The following PNMA6E variants were observed in gnomAD, a reference collection of about 807,000 sequenced individuals.
PNMA6E encodes the protein paraneoplastic antigen Ma6E.
For missense variants in PNMA6E, 78 were observed against 50.8 expected (o/e 1.53, Z -1.63); for synonymous variants, 43 against 17.1 (o/e 2.52, Z -3.74).
chrX:153,397,174 C>T lies in PNMA6E; in HGVS notation c.1676G>A (p.Gly559Asp). The T allele has an allele frequency of 3.4e-6, 1 of 298,211 alleles. No homozygotes were observed. The highest frequency in any genetic ancestry group is 5.9e-6 in the Non-Finnish European group (1 of 170,462). 24.6% of individuals were successfully genotyped at this position (298,211 alleles called of 1,213,427 possible). A position where few individuals can be genotyped will look rare whatever the true frequency, so the allele number is the denominator to read the frequency against. ...TTCGGGGCCTGCAGGGGCACTTTCA[C>T]CTTCCCCAGCGGCAGGGGCTCCCCT... ...AARGAPAAGEGESAPAGPEGL... is the reference protein window; with the variant it reads ...AARGAPAAGEDESAPAGPEGL... The change falls in exon 2 of 2, where the codon GGT becomes GAT. Residue 559 changes from glycine (G) to aspartate (D), a missense_variant. By Grantham distance (94) the Gly-to-Asp change is moderately conservative (BLOSUM62 -1). Coordinates refer to ENST00000445091, the MANE Select transcript of PNMA6E (RefSeq NM_001367770.1).
intron 1 of PNMA6E, among the ~76,000 whole-genome samples, chrX:153,400,402 C>G (rs186695508): frequency 3.6e-5 from 4 of 112,504 alleles, no homozygotes; most frequent in Non-Finnish European, 5.7e-5. Flanking sequence ...CACCGCACAC[C>G]GGGGACAGTC....
chrX:153,398,472 G>A lies in PNMA6E; in HGVS notation c.378C>T (p.Gly126=), dbSNP rs1055058621. The change falls in exon 2 of 2, where the codon GGC becomes GGT. Residue 126 remains glycine (G), a synonymous_variant. Coordinates refer to ENST00000445091, the MANE Select transcript of PNMA6E (RefSeq NM_001367770.1). ...CACCTACACCTCCTGCCTCACCTGC[G>A]CCTCCTCCCTCACCTGCAGCTTTTG... ...AVAKAAGEGG[G]AGEAGGVGEV... 1.5e-5 allele frequency: 6 copies of A among 405,323 alleles called. No homozygotes were observed. Among genetic ancestry groups the A allele is most frequent in the Admixed American group, 8.6e-5 (2 of 23,326 alleles). 33.4% of individuals were successfully genotyped at this position (405,323 alleles called of 1,213,427 possible).
chrX:153,408,739 C>T, the PNMA6E span, among the ~76,000 whole-genome samples: 1 of 111,862 alleles, frequency 8.9e-6, no homozygotes, highest in African/African-American at 3.3e-5. Flanking sequence ...CCCACAGGAG[C>T]TCACAGTCGC....
chrX:153,409,720 T>C, the PNMA6E span, among the ~76,000 whole-genome samples: 1 of 112,299 alleles, frequency 8.9e-6, no homozygotes, highest in African/African-American at 3.2e-5. Context: ...CGCAGCCCAG[T>C]GCACATGGCC....
chrX:153,396,864 G>A lies in PNMA6E; in HGVS notation c.*42C>T, dbSNP rs149156619. ...CCTGGCCTCTGTCTGCCTCCAAGGC[G>A]CTGCTGCCTGAGAGGAGAGGAGGCC... On this transcript the variant is annotated 3_prime_UTR_variant, in exon 2 of 2. Transcript: ENST00000445091. The A allele has an allele frequency of 2.1e-3, 611 of 296,579 alleles. 5 individuals are homozygous for A. Among genetic ancestry groups the A allele is most frequent in the African/African-American group, 0.011 (395 of 36,757 alleles). 24.4% of individuals were successfully genotyped at this position (296,579 alleles called of 1,213,427 possible).
the PNMA6E span, among the ~76,000 whole-genome samples, chrX:153,407,325 G>A: frequency 9.0e-6 from 1 of 111,638 alleles, no homozygotes; most frequent in African/African-American, 3.3e-5. Flanking sequence ...ACTAGACACT[G>A]CTGGCTGCCC....
At chrX:153,403,315 A>G (rs2088862869), upstream of PNMA6E, among the ~76,000 whole-genome samples, 1 of 111,810 alleles carries the variant, frequency 8.9e-6, no homozygotes, top group Non-Finnish European at 1.9e-5. Context: ...TCCAGTGAAG[A>G]TTTTACTTCC....
At chrX:153,411,423 G>GCCCC in the PNMA6E span, among the ~76,000 whole-genome samples, 2 of 109,889 alleles carry the variant, frequency 1.8e-5, no homozygotes, top group African/African-American at 6.6e-5. Context: ...CATGCTCCAT[G>GCCCC]CCCCCCCCAC....
intron 1 of PNMA6E, among the ~76,000 whole-genome samples, 177 bp downstream of exon 1, chrX:153,401,067 G>A (rs973042562): frequency 4.7e-5 from 5 of 107,508 alleles, no homozygotes; most frequent in African/African-American, 1.0e-4. Flanking sequence ...TGACAGCCAC[G>A]CCGCACCTAA....
the PNMA6E span, among the ~76,000 whole-genome samples, chrX:153,409,365 A>G: frequency 1.9e-3 from 209 of 112,538 alleles, no homozygotes; most frequent in Non-Finnish European, 2.9e-3. Flanking sequence ...AGATGGAGAT[A>G]CCTCTCTCAG....
chrX:153,407,849 A>C, the PNMA6E span, among the ~76,000 whole-genome samples: 3 of 112,389 alleles, frequency 2.7e-5, no homozygotes, highest in Admixed American at 2.8e-4. Context: ...GTCAGACCAA[A>C]GGGAAGTTTT....
chrX:153,404,287 A>G (rs1345379827), upstream of PNMA6E: 4 of 110,895 alleles, frequency 3.6e-5, no homozygotes, highest in Non-Finnish European at 7.6e-5. Flanking sequence ...CCTTAAGAAT[A>G]TATATTTTTT....
In PNMA6E at chrX:153,397,153, G is replaced by A; in HGVS notation, c.1697C>T (p.Pro566Leu). ...GGGCCTTGCCTGACCTAGGCCTTCG[G>A]GGCCTGCAGGGGCACTTTCACCTTC... ...AGEGESAPAG[P>L]EGLGQARPIE... The change falls in exon 2 of 2, where the codon CCC (proline) becomes CTC (leucine). Residue 566 changes from proline (P) to leucine (L), a missense_variant. Physicochemically the swap from Pro to Leu is moderately conservative, Grantham distance 98 (BLOSUM62 -3). Transcript: ENST00000445091. The A allele has an allele frequency of 1.0e-5, 3 of 297,951 alleles. No homozygotes were observed. Among genetic ancestry groups the A allele is most frequent in the Middle Eastern group, 8.8e-4 (1 of 1,134 alleles). 24.6% of individuals were successfully genotyped at this position (297,951 alleles called of 1,213,427 possible).
At chrX:153,407,184 C>T in the PNMA6E span, among the ~76,000 whole-genome samples, 1 of 112,784 alleles carries the variant, frequency 8.9e-6, no homozygotes, top group Non-Finnish European at 1.9e-5. Flanking sequence ...TCCAGCTCAG[C>T]CTCCGGGCCA....
At chrX:153,413,924 A>C in the PNMA6E span, among the ~76,000 whole-genome samples, 1 of 112,218 alleles carries the variant, frequency 8.9e-6, no homozygotes, top group Non-Finnish European at 1.9e-5. Context: ...CCGATGCTGC[A>C]CTTGAGTGCG....
At chrX:153,409,081 CCACGG>C in the PNMA6E span, among the ~76,000 whole-genome samples, 12 of 112,994 alleles carry the variant, frequency 1.1e-4, no homozygotes, top group Admixed American at 1.8e-4. Context: ...TGGCGGGTGC[CCACGG>C]CACAGTGGGC....
At chrX:153,409,614 G>A in the PNMA6E span, among the ~76,000 whole-genome samples, 1 of 113,126 alleles carries the variant, frequency 8.8e-6, no homozygotes, top group Non-Finnish European at 1.9e-5. Context: ...AGCTGACCGC[G>A]CTGCCGCCTC....
rs1007550474 is a variant in PNMA6E at position 153,397,154 on chromosome X, G to A, written c.1696C>T (p.Pro566Ser). The change falls in exon 2 of 2, where the codon CCC becomes TCC. Residue 566 changes from proline (P) to serine (S), a missense_variant. Coordinates refer to ENST00000445091, the MANE Select transcript of PNMA6E (RefSeq NM_001367770.1). ...AGEGESAPAG[P>S]EGLGQARPIE... ...GGCCTTGCCTGACCTAGGCCTTCGG[G>A]GCCTGCAGGGGCACTTTCACCTTCC... The A allele has an allele frequency of 2.0e-5, 6 of 296,846 alleles. No individual in the cohort carries two copies. Among genetic ancestry groups the A allele is most frequent in the Non-Finnish European group, 3.5e-5 (6 of 170,128 alleles). 24.5% of individuals were successfully genotyped at this position (296,846 alleles called of 1,213,427 possible).
chrX:153,407,413 A>T, the PNMA6E span, among the ~76,000 whole-genome samples: 5 of 110,626 alleles, frequency 4.5e-5, no homozygotes, highest in Admixed American at 3.8e-4. Context: ...TCTGCTGCCC[A>T]GGCTGGAGTG....
Sources: gnomAD v4.1 joint callset for allele counts (sites outside exome capture counted in the v4.1 genomes callset) on GRCh38, gnomAD v4.1.1 for gene constraint, MANE v1.5 for transcripts, NCBI Gene and HGNC (gene_info 2026-07-23, HGNC 2026-07-21) for gene names.